The following PDE4D variants were observed in gnomAD, a reference collection of about 807,000 sequenced individuals.
The protein encoded by PDE4D is phosphodiesterase 4D, also known as 3',5'-cyclic-AMP phosphodiesterase 4D.
A neutral mutation model predicts 87.4 loss-of-function variants in PDE4D; 24 were observed. The observed-to-expected ratio is 0.27, with a 90% CI of 0.20 to 0.39. The LOEUF is 0.39. Among genes scored for constraint, PDE4D ranks in the 10% least tolerant of loss-of-function variants. The pLI is 1.00. For synonymous variants in PDE4D, 384 were observed against 383.2 expected, an observed-to-expected ratio of 1.00 and a Z score of -0.02; for missense variants, 714 against 1,041.0, an observed-to-expected ratio of 0.69 and a Z score of 4.32.
At position 59,031,382 on chromosome 5, in the gene PDE4D, TATATATATA is replaced by T. The variant is rs1561347675; in HGVS notation, c.921+7468_921+7476del. ...AATGTGATATATATATATATATATA[TATATATATA>T]TTATATATATATATATATATATATA... On this transcript the variant is annotated intron_variant, in intron 6 of 14. Transcript: ENST00000340635. Among the ~76,000 whole-genome samples the T allele has an allele frequency of 8.9e-3, 344 of 38,496 alleles. 4 individuals carry two copies. Among genetic ancestry groups the T allele is most frequent in the African/African-American group, 0.047 (298 of 6,370 alleles). The allele number at this position is 38,496 out of a possible 152,430, so 25.3% of individuals were successfully genotyped here. A position where few individuals can be genotyped will look rare whatever the true frequency, so the allele number is the denominator to read the frequency against.
intron 1 of PDE4D, among the ~76,000 whole-genome samples, chr5:60,390,487 G>A (rs1259962128): frequency 2.6e-5 from 4 of 152,010 alleles, no homozygotes; most frequent in Admixed American, 6.6e-5. Flanking sequence ...GACTTACATT[G>A]TTTGCATCAC....
At chr5:60,438,244 CAAGG>C (rs1296899282) in intron 1 of PDE4D, among the ~76,000 whole-genome samples, 1 of 151,952 alleles carries the variant, frequency 6.6e-6, no homozygotes, top group Non-Finnish European at 1.5e-5. Context: ...AGGGATCAAA[CAAGG>C]GAGGGAGAGT....
At chr5:59,865,654 C>T (rs904647905) in intron 1 of PDE4D, among the ~76,000 whole-genome samples, 7 of 152,176 alleles carry the variant, frequency 4.6e-5, no homozygotes, top group Admixed American at 6.5e-5. Flanking sequence ...TTTGTACGCT[C>T]ATATTTATTT....
intron 1 of PDE4D, among the ~76,000 whole-genome samples, chr5:59,885,728 G>GTTTT (rs35486582): frequency 6.6e-6 from 1 of 150,756 alleles, no homozygotes. Context: ...CTTACATGTT[G>GTTTT]TTTTTTTTTC....
At chr5:60,084,421 C>T (rs922273391) in intron 2 of PDE4D, among the ~76,000 whole-genome samples, 10 of 151,870 alleles carry the variant, frequency 6.6e-5, no homozygotes, top group South Asian at 6.2e-4. Flanking sequence ...CGCGCGTGTG[C>T]GCATGCGCAC....
At chr5:59,748,836 T>TGGA (rs1258896068) in intron 1 of PDE4D, among the ~76,000 whole-genome samples, 1 of 152,170 alleles carries the variant, frequency 6.6e-6, no homozygotes, top group African/African-American at 2.4e-5. Flanking sequence ...CCCAGCCCTT[T>TGGA]GGAGAAGCAC....
At chr5:59,276,433 A>G (rs1238518427) in intron 1 of PDE4D, among the ~76,000 whole-genome samples, 1 of 152,158 alleles carries the variant, frequency 6.6e-6, no homozygotes, top group Admixed American at 6.6e-5. Context: ...TCACTGAAGC[A>G]CTAAAACTAA....
intron 1 of PDE4D, among the ~76,000 whole-genome samples, chr5:59,482,516 C>T (rs1257400291): frequency 2.0e-5 from 3 of 151,734 alleles, no homozygotes; most frequent in Non-Finnish European, 4.4e-5. Flanking sequence ...AAGAATATGC[C>T]CTTAGAAATT....
chr5:59,956,964 T>A (rs1461056710), intron 3 of PDE4D, among the ~76,000 whole-genome samples: 1 of 152,168 alleles, frequency 6.6e-6, no homozygotes, highest in African/African-American at 2.4e-5. Context: ...GCAATAACAT[T>A]TACATAACAT....
intron 3 of PDE4D, among the ~76,000 whole-genome samples, chr5:59,910,049 A>G (rs1753279118): frequency 6.6e-6 from 1 of 152,178 alleles, no homozygotes; most frequent in Non-Finnish European, 1.5e-5. Context: ...TCCAAACACA[A>G]GGCAATGTCA....
chr5:59,519,310 T>C (rs1198736408), intron 1 of PDE4D, among the ~76,000 whole-genome samples: 4 of 152,104 alleles, frequency 2.6e-5, no homozygotes, highest in African/African-American at 9.7e-5. Flanking sequence ...ATACAGTAGG[T>C]CATAGGTGCT....
intron 2 of PDE4D, among the ~76,000 whole-genome samples, chr5:60,106,027 TA>T (rs1318349749): frequency 1.3e-5 from 2 of 152,146 alleles, no homozygotes; most frequent in Non-Finnish European, 2.9e-5. Flanking sequence ...TAAATGTAAA[TA>T]GAGTAAATGC....
At chr5:60,386,937 T>TAA (rs542203373) in intron 1 of PDE4D, among the ~76,000 whole-genome samples, 2,722 of 152,310 alleles carry the variant, frequency 0.018, 72 homozygotes, top group African/African-American at 0.063. Flanking sequence ...TGATAGAAAC[T>TAA]AAATTGCCTT....
chr5:59,854,586 C>T (rs983173113), intron 1 of PDE4D, among the ~76,000 whole-genome samples: 6 of 152,030 alleles, frequency 3.9e-5, no homozygotes, highest in African/African-American at 1.4e-4. Flanking sequence ...GGATATTTTC[C>T]TCTGAATTTA....
intron 1 of PDE4D, among the ~76,000 whole-genome samples, chr5:59,336,460 T>C (rs937927629): frequency 5.3e-5 from 8 of 152,250 alleles, no homozygotes; most frequent in Admixed American, 1.3e-4. Flanking sequence ...GGTAGGTTAA[T>C]GAAACTTTAG....
intron 1 of PDE4D, among the ~76,000 whole-genome samples, chr5:60,433,814 C>G (rs144294485): frequency 6.6e-6 from 1 of 152,294 alleles, no homozygotes; most frequent in African/African-American, 2.4e-5. Flanking sequence ...AGAGAACTAA[C>G]ACAGGAACAG....
At chr5:60,157,948 CTCTT>C (rs1782134743) in intron 2 of PDE4D, among the ~76,000 whole-genome samples, 2 of 147,118 alleles carry the variant, frequency 1.4e-5, no homozygotes, top group South Asian at 2.1e-4. Flanking sequence ...CCCTCTTCGT[CTCTT>C]TCTTTCTTTC....
intron 1 of PDE4D, among the ~76,000 whole-genome samples, chr5:59,514,252 C>A (rs1372192605): frequency 6.6e-6 from 1 of 151,938 alleles, no homozygotes; most frequent in Non-Finnish European, 1.5e-5. Context: ...ACTACAGGCG[C>A]CCGCCACCAC....
chr5:59,978,824 C>T (rs578166505), intron 3 of PDE4D, among the ~76,000 whole-genome samples: 2 of 152,266 alleles, frequency 1.3e-5, no homozygotes, highest in East Asian at 3.9e-4. Flanking sequence ...GCAACCACCA[C>T]CTTGATCAGT....
Sources: allele counts gnomAD v4.1 joint callset (sites outside exome capture counted in the v4.1 genomes callset), GRCh38; gene constraint gnomAD v4.1.1; transcripts MANE v1.5; gene names NCBI Gene and HGNC (gene_info 2026-07-23, HGNC 2026-07-21).